The following MROH1 variants were observed in gnomAD, a reference collection of about 807,000 sequenced individuals.
MROH1 encodes maestro heat-like repeat-containing protein family member 1.
MROH1 carries 117 observed loss-of-function variants against 116.5 expected under a neutral mutation model. The ratio of observed to expected loss-of-function variants is 1.00; its 90% confidence interval spans 0.86 to 1.17. The LOEUF (loss-of-function observed/expected upper bound fraction) is 1.17, where lower values mean the gene tolerates loss of function less well. Ranked by LOEUF, MROH1 falls within the 50% of genes most tolerant of loss-of-function variation. MROH1 has a pLI of 0.00. For missense variants in MROH1, 1,873 were observed against 1,338.5 expected, an observed-to-expected ratio of 1.40 and a Z score of -6.23; for synonymous variants, 921 against 583.9, an observed-to-expected ratio of 1.58 and a Z score of -8.32.
chr8:144,227,415 C>G (rs1398175361), intron 14 of MROH1, among the ~76,000 whole-genome samples: 4 of 152,052 alleles, frequency 2.6e-5, no homozygotes, highest in African/African-American at 4.8e-5. Flanking sequence ...GCGGGCAGAT[C>G]ATTCAATCTC....
intron 14 of MROH1, among the ~76,000 whole-genome samples, chr8:144,225,555 A>G (rs1417492533): frequency 6.6e-6 from 1 of 151,180 alleles, no homozygotes; most frequent in Non-Finnish European, 1.5e-5. Context: ...TTTTTTTTTA[A>G]TGGCCAGTTT....
intron 3 of MROH1, among the ~76,000 whole-genome samples, chr8:144,164,973 C>G (rs1020033604): frequency 1.3e-5 from 2 of 152,022 alleles, no homozygotes; most frequent in Non-Finnish European, 2.9e-5. Context: ...CTAGGATGTC[C>G]TTCAAGCCTT....
intron 12 of MROH1, among the ~76,000 whole-genome samples, chr8:144,215,659 C>G (rs1835072988): frequency 6.6e-6 from 1 of 151,678 alleles, no homozygotes; most frequent in Admixed American, 6.6e-5. Context: ...ATCACGAGGT[C>G]AGGAGATCGA....
chr8:144,259,790 G>A, intron 37 of MROH1, 121 bp from the exon 38 acceptor site: 1 of 697,076 alleles, frequency 1.4e-6, no homozygotes, highest in Non-Finnish European at 2.6e-6. Context: ...CCAGGGAGTA[G>A]GTGCTCCACC....
chr8:144,233,731 C>A (rs566448872), intron 14 of MROH1, among the ~76,000 whole-genome samples: 1 of 152,326 alleles, frequency 6.6e-6, no homozygotes, highest in South Asian at 2.1e-4. Flanking sequence ...GTGCTTATCC[C>A]ACTTGTCCCT....
At chr8:144,185,523 C>T (rs1468871373) in intron 7 of MROH1, among the ~76,000 whole-genome samples, 3 of 77,314 alleles carry the variant, frequency 3.9e-5, no homozygotes, top group South Asian at 4.8e-4. Context: ...GCGGGGACCG[C>T]GGGGAGATGT....
chr8:144,152,555 A>ATTAT (rs1369841266), intron 1 of MROH1, among the ~76,000 whole-genome samples: 39 of 130,580 alleles, frequency 3.0e-4, no homozygotes, highest in African/African-American at 1.1e-3. Context: ...TATTATTATT[A>ATTAT]TTTTTTTTTT....
At chr8:144,238,166 G>GTT (rs1323261757) in intron 14 of MROH1, among the ~76,000 whole-genome samples, 141 of 138,972 alleles carry the variant, frequency 1.0e-3, no homozygotes, top group African/African-American at 2.5e-3. Context: ...AAATATCACT[G>GTT]TTTTTTTTTT....
chr8:144,234,887 C>CTTT (rs1839773922), intron 14 of MROH1, among the ~76,000 whole-genome samples: 1 of 98,622 alleles, frequency 1.0e-5, no homozygotes, highest in African/African-American at 4.0e-5. Context: ...TATCCTTTTT[C>CTTT]TTTCTTTTTT....
At chr8:144,166,142 G>A (rs1028846799) in intron 3 of MROH1, among the ~76,000 whole-genome samples, 3 of 152,166 alleles carry the variant, frequency 2.0e-5, no homozygotes, top group African/African-American at 7.2e-5. Flanking sequence ...GTCTCCCAAA[G>A]TGCTAGGATT....
intron 32 of MROH1, 125 bp downstream of exon 32, chr8:144,249,154 C>T: frequency 1.5e-6 from 1 of 671,292 alleles, no homozygotes; most frequent in Non-Finnish European, 2.7e-6. Flanking sequence ...AACAGTGAGG[C>T]TGGCCCTGGC....
intron 35 of MROH1, 49 bp from the exon 36 acceptor site, chr8:144,258,728 G>C: frequency 1.4e-6 from 1 of 734,026 alleles, no homozygotes; most frequent in South Asian, 1.4e-5. Flanking sequence ...ATCAGGAAGG[G>C]AGGTAGGCGT....
chr8:144,231,658 C>CA (rs1330849080), intron 14 of MROH1, among the ~76,000 whole-genome samples: 3 of 152,130 alleles, frequency 2.0e-5, no homozygotes, highest in African/African-American at 7.2e-5. Context: ...GATCTCTAAT[C>CA]ACAAATCACC....
At position 144,261,824 on chromosome 8, in the gene MROH1, C is replaced by G. The variant is rs1845138172; in HGVS notation, c.*84C>G. 5.7e-6 allele frequency: 4 copies of G among 700,312 alleles called. No individual in the cohort carries two copies. Among genetic ancestry groups the G allele is most frequent in the Non-Finnish European group, 1.0e-5 (4 of 384,628 alleles). 43.4% of individuals were successfully genotyped at this position (700,312 alleles called of 1,614,324 possible). On this transcript the variant is annotated 3_prime_UTR_variant, in exon 44 of 44. Coordinates refer to ENST00000326134, the MANE Select transcript of MROH1 (RefSeq NM_032450.3). ...GACAGGGCCTCCTGAGGACCACAGC[C>G]TGGGCACACGACTGGAGGGGCCTGG...
At chr8:144,259,886 G>A (rs1844675522) in intron 37 of MROH1, 25 bp from the exon 38 acceptor site, 1 of 726,782 alleles carries the variant, frequency 1.4e-6, no homozygotes, top group Non-Finnish European at 2.6e-6. Context: ...CGGGGAGAGG[G>A]AAGTCACAGC....
At chr8:144,178,756 C>T (rs542752791) in intron 4 of MROH1, among the ~76,000 whole-genome samples, 52 of 152,154 alleles carry the variant, frequency 3.4e-4, no homozygotes, top group Non-Finnish European at 7.4e-4. Flanking sequence ...GCCCCAGGTT[C>T]CTTTCCTGGG....
At chr8:144,194,223 T>C (rs1240814939) in intron 10 of MROH1, among the ~76,000 whole-genome samples, 1 of 151,002 alleles carries the variant, frequency 6.6e-6, no homozygotes, top group Non-Finnish European at 1.5e-5. Flanking sequence ...CCACCACGCC[T>C]GGCTAATTTT....
At chr8:144,219,619 A>C (rs185424167) in intron 12 of MROH1, among the ~76,000 whole-genome samples, 93 of 152,256 alleles carry the variant, frequency 6.1e-4, no homozygotes, top group Non-Finnish European at 9.8e-4. Context: ...CTCCTAACCC[A>C]GGGCTGGAGT....
intron 33 of MROH1, chr8:144,251,279 C>T (rs1842806902): frequency 1.3e-5 from 2 of 152,700 alleles, no homozygotes; most frequent in African/African-American, 4.8e-5. Flanking sequence ...GGCCCTGCTC[C>T]TTCCTGGTAC....
Sources: gnomAD v4.1 joint callset for allele counts (sites outside exome capture counted in the v4.1 genomes callset) on GRCh38, gnomAD v4.1.1 for gene constraint, MANE v1.5 for transcripts, NCBI Gene and HGNC (gene_info 2026-07-23, HGNC 2026-07-21) for gene names.